Variants in TMCO5A observed in about 807,000 individuals in gnomAD.
The protein encoded by TMCO5A is transmembrane and coiled-coil domains 5A.
Under a neutral mutation model 42.3 loss-of-function variants are expected in TMCO5A, and 34 were observed. The observed-to-expected ratio is 0.80, with a 90% confidence interval of 0.61 to 1.07. The LOEUF is 1.07. TMCO5A is among the 50% of genes least tolerant of loss of function. The pLI is 0.00. For missense variants in TMCO5A, 357 were observed against 327.9 expected, an observed-to-expected ratio of 1.09 and a Z score of -0.69; for synonymous variants, 131 against 115.6, an observed-to-expected ratio of 1.13 and a Z score of -0.86.
the TMCO5A span, among the ~76,000 whole-genome samples, chr15:38,013,855 G>T: frequency 1.3e-5 from 2 of 152,162 alleles, no homozygotes; most frequent in African/African-American, 4.8e-5. Flanking sequence ...CTGGAGGTCA[G>T]AAATCAAAAA....
the TMCO5A span, among the ~76,000 whole-genome samples, chr15:37,993,123 TTGTTG>T: frequency 6.6e-6 from 1 of 152,322 alleles, no homozygotes; most frequent in East Asian, 1.9e-4. Context: ...TGTTCATACA[TTGTTG>T]TGTTTACTTT....
the TMCO5A span, among the ~76,000 whole-genome samples, chr15:37,995,398 T>C: frequency 6.6e-6 from 1 of 152,242 alleles, no homozygotes; most frequent in Non-Finnish European, 1.5e-5. Flanking sequence ...CCACAGGAGA[T>C]GAACCATGCA....
At chr15:37,959,377 C>G (rs1646103299) in intron 11 of TMCO5A, among the ~76,000 whole-genome samples, 1 of 151,872 alleles carries the variant, frequency 6.6e-6, no homozygotes, top group Non-Finnish European at 1.5e-5. Context: ...TACCCTGACA[C>G]CAAAACCAGA....
chr15:37,986,159 C>T, the TMCO5A span, among the ~76,000 whole-genome samples: 1 of 152,028 alleles, frequency 6.6e-6, no homozygotes, highest in Non-Finnish European at 1.5e-5. Context: ...AGTTCAATCT[C>T]TCAAATATAT....
intron 11 of TMCO5A, among the ~76,000 whole-genome samples, chr15:37,957,212 T>C (rs1053427277): frequency 6.6e-6 from 1 of 152,106 alleles, no homozygotes; most frequent in African/African-American, 2.4e-5. Flanking sequence ...ACCACTCCTA[T>C]TCAACATAGT....
rs190737028 is a variant in TMCO5A, at chr15:37,941,062, C to A, written c.388-87C>A. On this transcript the variant is annotated intron_variant, in intron 6 of 11. Transcript: ENST00000319669. ...GAAGTCATGGCCCTGAGGCTCCTCACAGCTCGTGAGGCCACCTTGGTGACA... is the reference window on the plus strand; with the variant it reads ...GAAGTCATGGCCCTGAGGCTCCTCAAAGCTCGTGAGGCCACCTTGGTGACA... 6.9e-6 allele frequency: 9 copies of A among 1,306,516 alleles called. No individual in the cohort carries two copies. In the African/African-American group the frequency reaches 1.2e-4, roughly 17 times the overall value. The allele number at this position is 1,306,516 out of a possible 1,614,324, so 80.9% of individuals were successfully genotyped here. A position where few individuals can be genotyped will look rare whatever the true frequency, so the allele number is the denominator to read the frequency against.
downstream of TMCO5A, among the ~76,000 whole-genome samples, chr15:37,969,280 A>G (rs561930304): frequency 2.0e-5 from 3 of 152,344 alleles, no homozygotes; most frequent in East Asian, 5.8e-4. Flanking sequence ...AATATCTCAA[A>G]TGGAAGTACC....
At chr15:37,938,420 T>C (rs1311974585) in intron 6 of TMCO5A, among the ~76,000 whole-genome samples, 191 bp downstream of exon 6, 1 of 152,068 alleles carries the variant, frequency 6.6e-6, no homozygotes, top group Non-Finnish European at 1.5e-5. Context: ...TTAGTCTTAT[T>C]TATTGTTCTC....
chr15:37,955,434 G>T (rs895447760), downstream of TMCO5A, among the ~76,000 whole-genome samples: 3 of 151,992 alleles, frequency 2.0e-5, no homozygotes, highest in Admixed American at 6.6e-5. Flanking sequence ...AACCACAGGG[G>T]TTGCAATCCT....
the TMCO5A span, among the ~76,000 whole-genome samples, chr15:37,982,739 T>TATC: frequency 6.9e-6 from 1 of 144,038 alleles, no homozygotes; most frequent in African/African-American, 2.6e-5. Flanking sequence ...AATATATAAA[T>TATC]ATATATAAAT....
chr15:38,031,138 T>C, the TMCO5A span, among the ~76,000 whole-genome samples: 1 of 152,192 alleles, frequency 6.6e-6, no homozygotes, highest in African/African-American at 2.4e-5. Flanking sequence ...ATCTTTCTGC[T>C]TTCCCTTGCA....
At chr15:37,943,294 T>C in intron 9 of TMCO5A, 47 bp from the exon 10 acceptor site, 1 of 1,582,472 alleles carries the variant, frequency 6.3e-7, no homozygotes, top group Non-Finnish European at 8.7e-7. Flanking sequence ...AGTATGAATA[T>C]TTCAGTGCAC....
intron 10 of TMCO5A, chr15:37,944,411 G>T (rs1202197201): frequency 6.6e-6 from 1 of 152,052 alleles, no homozygotes; most frequent in Admixed American, 6.6e-5. Flanking sequence ...AATTAAAGTT[G>T]TCTACATCAA....
chr15:37,950,850 G>A (rs1890130226), intron 11 of TMCO5A, among the ~76,000 whole-genome samples, 186 bp from the exon 12 acceptor site: 1 of 152,062 alleles, frequency 6.6e-6, no homozygotes, highest in South Asian at 2.1e-4. Flanking sequence ...CACGGTAATG[G>A]ACAGAGAATA....
chr15:37,945,329 A>G (rs114061549), intron 10 of TMCO5A, among the ~76,000 whole-genome samples: 17,388 of 152,090 alleles, frequency 0.11, 1,257 homozygotes, highest in Admixed American at 0.16. Flanking sequence ...CAGTGCTGCA[A>G]TGATATTTGT....
At chr15:37,970,903 T>A (rs1442861962), downstream of TMCO5A, among the ~76,000 whole-genome samples, 1 of 152,250 alleles carries the variant, frequency 6.6e-6, no homozygotes, top group Non-Finnish European at 1.5e-5. Flanking sequence ...TTGCAGGATA[T>A]AGCCCCCCTC....
intron 9 of TMCO5A, chr15:37,942,592 T>C (rs1382955397): frequency 4.6e-6 from 1 of 215,758 alleles, no homozygotes. Context: ...GTATTCCTTA[T>C]ATATCACAGA....
chr15:38,001,825 C>T, the TMCO5A span, among the ~76,000 whole-genome samples: 2 of 152,010 alleles, frequency 1.3e-5, no homozygotes, highest in African/African-American at 4.8e-5. Context: ...ATTCATCCCC[C>T]ACTTTTTAAC....
At chr15:38,012,305 C>T in the TMCO5A span, among the ~76,000 whole-genome samples, 1 of 152,158 alleles carries the variant, frequency 6.6e-6, no homozygotes, top group African/African-American at 2.4e-5. Context: ...CATGGCTAGC[C>T]TTCAAAACTG....
Sources: gnomAD v4.1 joint callset for allele counts (sites outside exome capture counted in the v4.1 genomes callset) on GRCh38, gnomAD v4.1.1 for gene constraint, MANE v1.5 for transcripts, NCBI Gene and HGNC (gene_info 2026-07-23, HGNC 2026-07-21) for gene names.